Variants in KCNIP4 observed in about 807,000 individuals in gnomAD.
KCNIP4 encodes the protein Kv channel-interacting protein 4.
In KCNIP4, 12 loss-of-function variants were observed where a neutral mutation model predicts 34.0. The ratio of observed to expected loss-of-function variants is 0.35; its 90% CI spans 0.23 to 0.57. The LOEUF (loss-of-function observed/expected upper bound fraction) is 0.57. Ranked by LOEUF, KCNIP4 falls within the 20% of genes least tolerant of loss-of-function variation. The pLI is 0.83. For synonymous variants in KCNIP4, 124 were observed against 102.2 expected (o/e 1.21, Z -1.29); for missense variants, 238 against 311.7 (o/e 0.76, Z 1.78).
At chr4:20,787,015 A>G (rs894457853) in intron 3 of KCNIP4, among the ~76,000 whole-genome samples, 4 of 152,114 alleles carry the variant, frequency 2.6e-5, no homozygotes, top group African/African-American at 9.7e-5. Context: ...GTTGTTTTTG[A>G]GGCGATTATT....
chr4:21,149,055 A>C, intron 1 of KCNIP4, among the ~76,000 whole-genome samples: 1 of 152,302 alleles, frequency 6.6e-6, no homozygotes, highest in African/African-American at 2.4e-5. Context: ...CAATCTATAT[A>C]ATAATTATTT....
At chr4:21,131,408 G>C (rs1205776210) in intron 1 of KCNIP4, among the ~76,000 whole-genome samples, 2 of 152,126 alleles carry the variant, frequency 1.3e-5, no homozygotes, top group Admixed American at 6.5e-5. Flanking sequence ...AGGAAATCGA[G>C]ACCATCCTGG....
intron 1 of KCNIP4, among the ~76,000 whole-genome samples, chr4:20,977,997 C>T (rs1316434683): frequency 6.6e-6 from 1 of 152,204 alleles, no homozygotes; most frequent in Admixed American, 6.5e-5. Flanking sequence ...ACTATCCTCC[C>T]TTCCCTTCCA....
intron 1 of KCNIP4, among the ~76,000 whole-genome samples, chr4:21,483,132 T>C (rs13148416): frequency 0.12 from 18,461 of 149,904 alleles, 1,307 homozygotes; most frequent in South Asian, 0.21. Context: ...ATGTAAATGA[T>C]GAGTTAATGG....
chr4:21,648,580 G>A (rs951711410), intron 1 of KCNIP4, among the ~76,000 whole-genome samples: 1 of 152,160 alleles, frequency 6.6e-6, no homozygotes, highest in East Asian at 1.9e-4. Flanking sequence ...TCATAAATAT[G>A]TTGAGCCAGT....
At chr4:21,122,705 T>G (rs1318426413) in intron 1 of KCNIP4, among the ~76,000 whole-genome samples, 1 of 152,006 alleles carries the variant, frequency 6.6e-6, no homozygotes, top group Non-Finnish European at 1.5e-5. Context: ...GATGAGGAAG[T>G]GAGGTGAGAA....
chr4:21,349,229 G>T (rs1475963577), intron 1 of KCNIP4, among the ~76,000 whole-genome samples: 1 of 152,184 alleles, frequency 6.6e-6, no homozygotes, highest in South Asian at 2.1e-4. Context: ...AAATACAGAG[G>T]AACAACCTAA....
intron 1 of KCNIP4, among the ~76,000 whole-genome samples, chr4:21,120,319 T>C (rs1750045001): frequency 6.6e-6 from 1 of 152,220 alleles, no homozygotes; most frequent in Non-Finnish European, 1.5e-5. Context: ...TTCTGGAAGC[T>C]GTAAGTCCAA....
chr4:21,015,297 A>C (rs1363883989), intron 1 of KCNIP4, among the ~76,000 whole-genome samples: 3 of 148,730 alleles, frequency 2.0e-5, no homozygotes, highest in African/African-American at 7.4e-5. Context: ...TATTATATAT[A>C]TTATAAAAAT....
chr4:21,015,508 C>T (rs1293527119), intron 1 of KCNIP4, among the ~76,000 whole-genome samples: 2 of 118,522 alleles, frequency 1.7e-5, no homozygotes, highest in African/African-American at 6.4e-5. Flanking sequence ...ATAGATAGCA[C>T]AGATGCAGCT....
intron 1 of KCNIP4, among the ~76,000 whole-genome samples, chr4:21,030,331 A>C (rs1740908394): frequency 6.6e-6 from 1 of 152,150 alleles, no homozygotes; most frequent in Non-Finnish European, 1.5e-5. Flanking sequence ...CATTACCCTC[A>C]GATGGGACTA....
At chr4:20,909,612 A>G (rs1728136888) in intron 1 of KCNIP4, among the ~76,000 whole-genome samples, 1 of 152,174 alleles carries the variant, frequency 6.6e-6, no homozygotes. Flanking sequence ...TTTGGGACAC[A>G]TTACTTTGGA....
At chr4:21,353,372 C>T (rs572113329) in intron 1 of KCNIP4, among the ~76,000 whole-genome samples, 1 of 152,202 alleles carries the variant, frequency 6.6e-6, no homozygotes, top group South Asian at 2.1e-4. Context: ...CATGTTCTAA[C>T]CCATTGCAAG....
intron 1 of KCNIP4, among the ~76,000 whole-genome samples, chr4:21,442,358 G>C (rs1727562265): frequency 6.6e-6 from 1 of 152,180 alleles, no homozygotes; most frequent in Non-Finnish European, 1.5e-5. Flanking sequence ...AAATCAGTTA[G>C]GATTCAAGTA....
Position 21,065,033 on chromosome 4 carries a change from G to C in KCNIP4, c.62-182324C>G, listed in dbSNP as rs141012772. ...TGAACTCAATTATACTATCACTTAT[G>C]CATTCTCCAAACATGTACAAGTGTC... On this transcript the variant is annotated intron_variant, in intron 1 of 8. Transcript: ENST00000382152. 6.7e-3 allele frequency among the ~76,000 whole-genome samples: 1,017 copies of C among 152,180 alleles called. 7 individuals are homozygous for C. Among genetic ancestry groups the C allele is most frequent in the Middle Eastern group, 0.024 (7 of 294 alleles).
intron 1 of KCNIP4, among the ~76,000 whole-genome samples, chr4:21,600,855 C>A (rs939599039): frequency 4.6e-5 from 7 of 152,022 alleles, no homozygotes; most frequent in African/African-American, 1.7e-4. Flanking sequence ...GGATTTCCAG[C>A]CTTGCCTTAT....
At chr4:20,875,232 G>A (rs1723887324) in intron 2 of KCNIP4, among the ~76,000 whole-genome samples, 1 of 152,120 alleles carries the variant, frequency 6.6e-6, no homozygotes, top group Non-Finnish European at 1.5e-5. Flanking sequence ...TGACCAGAAC[G>A]TTGAACGTAA....
At chr4:21,558,389 G>C (rs1479242225) in intron 1 of KCNIP4, among the ~76,000 whole-genome samples, 1 of 152,028 alleles carries the variant, frequency 6.6e-6, no homozygotes, top group African/African-American at 2.4e-5. Context: ...CTACTCAGGA[G>C]GCTTAGGCAG....
At chr4:21,487,851 T>G (rs926964217) in intron 1 of KCNIP4, among the ~76,000 whole-genome samples, 5 of 152,110 alleles carry the variant, frequency 3.3e-5, no homozygotes, top group African/African-American at 1.2e-4. Context: ...TCATTGTAGA[T>G]TTTTTAACTC....
Sources: gnomAD v4.1 joint callset for allele counts (sites outside exome capture counted in the v4.1 genomes callset) on GRCh38, gnomAD v4.1.1 for gene constraint, MANE v1.5 for transcripts, NCBI Gene and HGNC (gene_info 2026-07-23, HGNC 2026-07-21) for gene names.